CLEC16A: variants seen among roughly 807,000 people sequenced by gnomAD.
CLEC16A encodes the protein protein CLEC16A.
Under a neutral mutation model 109.5 loss-of-function variants are expected in CLEC16A, and 51 were observed. The observed-to-expected ratio is 0.47, with a 90% CI of 0.37 to 0.59. The LOEUF is 0.59. CLEC16A is among the 20% of genes least tolerant of loss of function. The pLI is 0.00. For missense variants in CLEC16A, 1,339 were observed against 1,394.0 expected (o/e 0.96, Z 0.63); for synonymous variants, 673 against 564.2 (o/e 1.19, Z -2.73).
At chr16:11,166,131 T>TA (rs2068250256) in intron 22 of CLEC16A, among the ~76,000 whole-genome samples, 1 of 152,262 alleles carries the variant, frequency 6.6e-6, no homozygotes, top group Admixed American at 6.5e-5. Context: ...CACTCGGATT[T>TA]ACGACTCATG....
intron 13 of CLEC16A, among the ~76,000 whole-genome samples, chr16:11,028,301 G>A (rs374831528): frequency 2.6e-5 from 4 of 152,152 alleles, no homozygotes; most frequent in South Asian, 2.1e-4. Flanking sequence ...GTGCTGCGTC[G>A]TCTGAAATCG....
intron 19 of CLEC16A, among the ~76,000 whole-genome samples, chr16:11,098,458 C>G (rs1017881725): frequency 4.6e-5 from 7 of 152,252 alleles, no homozygotes; most frequent in Non-Finnish European, 1.0e-4. Flanking sequence ...CAAGAACTGT[C>G]AGCCTCTTCA....
At chr16:11,094,572 C>T (rs2050497519) in intron 19 of CLEC16A, among the ~76,000 whole-genome samples, 1 of 152,250 alleles carries the variant, frequency 6.6e-6, no homozygotes, top group Non-Finnish European at 1.5e-5. Flanking sequence ...TTCCAGGCCA[C>T]ATCAGGCAAG....
At chr16:11,021,490 A>G (rs1389458311) in intron 12 of CLEC16A, among the ~76,000 whole-genome samples, 2 of 152,226 alleles carry the variant, frequency 1.3e-5, no homozygotes, top group Non-Finnish European at 2.9e-5. Context: ...AAGCAAAGGA[A>G]GAGGTATCTG....
intron 1 of CLEC16A, among the ~76,000 whole-genome samples, chr16:10,948,186 C>T (rs1170985477): frequency 6.6e-6 from 1 of 152,216 alleles, no homozygotes; most frequent in South Asian, 2.1e-4. Flanking sequence ...AGCCACTGCA[C>T]CCGGCCTAGA....
rs915857719 is a variant in CLEC16A, at chr16:11,157,306, G to C, written c.2642-9082G>C. ...TCAGGCTTGGCCCGGGAGGCCATACGAACATCCCTTCCCCAGGTGCCTGAT... is the reference window on the plus strand; with the variant it reads ...TCAGGCTTGGCCCGGGAGGCCATACCAACATCCCTTCCCCAGGTGCCTGAT... On this transcript the variant is annotated intron_variant, in intron 22 of 23. Transcript: ENST00000409790. 18 of 1,053,254 alleles carry C rather than the reference G, an allele frequency of 1.7e-5. 1 individual carries two copies. The South Asian group carries it at 3.2e-4, about 19-fold the overall frequency. 65.2% of individuals were successfully genotyped at this position (1,053,254 alleles called of 1,614,324 possible). A position where few individuals can be genotyped will look rare whatever the true frequency, so the allele number is the denominator to read the frequency against.
intron 10 of CLEC16A, among the ~76,000 whole-genome samples, chr16:10,984,985 G>T (rs923438752): frequency 6.6e-6 from 1 of 151,956 alleles, no homozygotes; most frequent in Non-Finnish European, 1.5e-5. Context: ...GCAGATCACC[G>T]GGTCAGGAGA....
At chr16:11,070,421 G>T (rs913589113) in intron 19 of CLEC16A, 2 of 151,676 alleles carry the variant, frequency 1.3e-5, no homozygotes, top group Admixed American at 1.3e-4. Flanking sequence ...TGCCCAGGCT[G>T]GTCTCAAACT....
At chr16:11,060,743 T>C (rs1238261614) in intron 18 of CLEC16A, among the ~76,000 whole-genome samples, 159 bp from the exon 19 acceptor site, 3 of 152,112 alleles carry the variant, frequency 2.0e-5, no homozygotes, top group African/African-American at 7.2e-5. Flanking sequence ...TGTCTTGTTA[T>C]AAAAGCACGT....
At chr16:10,969,991 A>T (rs186943566) in intron 4 of CLEC16A, among the ~76,000 whole-genome samples, 2 of 152,250 alleles carry the variant, frequency 1.3e-5, no homozygotes, top group African/African-American at 4.8e-5. Flanking sequence ...TGTCCCTGAC[A>T]TTCTTTGGGA....
At position 11,178,015 on chromosome 16, in the gene CLEC16A, T is replaced by A. The variant is rs1344308376; in HGVS notation, c.2807-320T>A. ...CTGAGATTTGCCCACACATAAAGCC[T>A]GTCAGCTGGGTCTCTGCACCCAGGA... On this transcript the variant is annotated intron_variant, in intron 23 of 23. Transcript: ENST00000409790. The surrounding 1 kb of genome is among the most constrained non-coding windows in gnomAD (Gnocchi z 6.5). Among the ~76,000 whole-genome samples the A allele has an allele frequency of 6.6e-6, 1 of 152,220 alleles. No individual in the cohort carries two copies. The highest frequency in any genetic ancestry group is 1.5e-5 in the Non-Finnish European group (1 of 68,040).
intron 3 of CLEC16A, among the ~76,000 whole-genome samples, chr16:10,963,911 C>T (rs1240594124): frequency 1.3e-5 from 2 of 152,158 alleles, no homozygotes; most frequent in Non-Finnish European, 2.9e-5. Flanking sequence ...ATTACCCAGC[C>T]CAAATTGTCC....
intron 22 of CLEC16A, among the ~76,000 whole-genome samples, chr16:11,129,779 T>C (rs1191535892): frequency 6.6e-6 from 1 of 151,058 alleles, no homozygotes; most frequent in African/African-American, 2.4e-5. Context: ...TTTTTTTTTT[T>C]TGAGATGGAG....
intron 23 of CLEC16A, among the ~76,000 whole-genome samples, chr16:11,169,464 T>C (rs972471418): frequency 6.6e-6 from 1 of 152,096 alleles, no homozygotes; most frequent in Non-Finnish European, 1.5e-5. Context: ...TTTTTGTATT[T>C]TTAGTAGAGA....
intron 1 of CLEC16A, among the ~76,000 whole-genome samples, chr16:10,948,746 A>C (rs1015741976): frequency 6.6e-6 from 1 of 152,170 alleles, no homozygotes; most frequent in African/African-American, 2.4e-5. Flanking sequence ...TCCCCGCTAA[A>C]CCATGGCTGA....
At chr16:11,087,006 T>A (rs2050047529) in intron 19 of CLEC16A, among the ~76,000 whole-genome samples, 1 of 152,154 alleles carries the variant, frequency 6.6e-6, no homozygotes, top group African/African-American at 2.4e-5. Flanking sequence ...ACTTAGTAAT[T>A]TTCTTTGAAT....
intron 16 of CLEC16A, 77 bp downstream of exon 16, chr16:11,044,149 G>T (rs2047504589): frequency 7.8e-6 from 10 of 1,275,372 alleles, no homozygotes; most frequent in Non-Finnish European, 1.1e-5. Context: ...GTTCTATGCA[G>T]ATAAACGTTA....
chr16:11,153,702 T>C (rs2054387654), intron 22 of CLEC16A, among the ~76,000 whole-genome samples: 2 of 151,890 alleles, frequency 1.3e-5, no homozygotes, highest in Non-Finnish European at 2.9e-5. Flanking sequence ...CCCCAAGACA[T>C]AATAAAATCA....
chr16:11,178,304 G>A lies in CLEC16A; in HGVS notation c.2807-31G>A, dbSNP rs1329931432. On this transcript the variant is annotated intron_variant, in intron 23 of 23. Transcript: ENST00000409790. The surrounding 1 kb of genome is among the most constrained non-coding windows in gnomAD (Gnocchi z 6.5). ...TGCGACGGGGTGTCTCAAGGGCTCAGTGTGTTTCCGGTTTTTCTCCCCCAA... is the reference window on the plus strand; with the variant it reads ...TGCGACGGGGTGTCTCAAGGGCTCAATGTGTTTCCGGTTTTTCTCCCCCAA... 6.4e-7 allele frequency: 1 copy of A among 1,570,468 alleles called. No homozygotes were observed. The highest frequency in any genetic ancestry group is 1.7e-5 in the Admixed American group (1 of 58,908).
Sources: allele counts gnomAD v4.1 joint callset (sites outside exome capture counted in the v4.1 genomes callset), GRCh38; gene constraint gnomAD v4.1.1; non-coding constraint Gnocchi (gnomAD v3.1); transcripts MANE v1.5; gene names NCBI Gene and HGNC (gene_info 2026-07-23, HGNC 2026-07-21).